The following UBE2L3 variants were observed in gnomAD, a reference collection of about 807,000 sequenced individuals.
UBE2L3 encodes ubiquitin-conjugating enzyme E2 L3.
UBE2L3 carries 1 observed loss-of-function variant against 17.8 expected under a neutral mutation model. That is an observed-to-expected ratio of 0.06 (90% confidence interval 0.02 to 0.27). UBE2L3 has a LOEUF of 0.27. UBE2L3 is among the 10% of genes least tolerant of loss of function. The pLI, the probability that UBE2L3 is intolerant of heterozygous loss-of-function variation, is 1.00. For synonymous variants in UBE2L3, 44 were observed against 68.5 expected (o/e 0.64, Z 1.76); for missense variants, 40 against 192.6 (o/e 0.21, Z 4.69).
At chr22:21,602,803 G>A (rs1365123367) in intron 2 of UBE2L3, among the ~76,000 whole-genome samples, 4 of 152,222 alleles carry the variant, frequency 2.6e-5, no homozygotes, top group Non-Finnish European at 5.9e-5. Context: ...CTCGAGAAAA[G>A]GGCCAGTTCC....
At chr22:21,596,840 A>G (rs1928552269) in intron 2 of UBE2L3, among the ~76,000 whole-genome samples, 2 of 152,240 alleles carry the variant, frequency 1.3e-5, no homozygotes, top group South Asian at 4.1e-4. Flanking sequence ...CATCCTTGCT[A>G]ACATTTGTTA....
At chr22:21,579,018 T>C (rs1170632108) in intron 1 of UBE2L3, among the ~76,000 whole-genome samples, 2 of 151,652 alleles carry the variant, frequency 1.3e-5, no homozygotes, top group East Asian at 3.9e-4. Context: ...GAGATGGAGT[T>C]TCACTCTTGT....
chr22:21,568,773 G>T (rs1020566551), intron 1 of UBE2L3, among the ~76,000 whole-genome samples: 2 of 152,168 alleles, frequency 1.3e-5, no homozygotes, highest in Non-Finnish European at 2.9e-5. Context: ...TTCCTGAGGG[G>T]AGATAAAGAG....
intron 3 of UBE2L3, chr22:21,614,476 C>A: frequency 1.1e-6 from 1 of 872,878 alleles, no homozygotes. Flanking sequence ...TTGTGCCACC[C>A]TCCTGCTGTA....
chr22:21,561,347 G>A (rs1158002503), intron 1 of UBE2L3, among the ~76,000 whole-genome samples: 1 of 152,304 alleles, frequency 6.6e-6, no homozygotes, highest in Non-Finnish European at 1.5e-5. Context: ...AGGCTGAGGT[G>A]GGAGAATCTC....
chr22:21,601,012 A>C (rs1928826028), intron 2 of UBE2L3, among the ~76,000 whole-genome samples: 1 of 151,978 alleles, frequency 6.6e-6, no homozygotes, highest in South Asian at 2.1e-4. Context: ...TCTACTAAAA[A>C]TACAAAAAAT....
intron 1 of UBE2L3, 124 bp from the exon 2 acceptor site, chr22:21,592,737 C>T: frequency 6.6e-6 from 5 of 757,078 alleles, no homozygotes; most frequent in Non-Finnish European, 9.1e-6. Flanking sequence ...ACAGTTTAGT[C>T]CTCACTGTCC....
intron 1 of UBE2L3, among the ~76,000 whole-genome samples, chr22:21,562,521 G>T (rs1046257224): frequency 1.3e-5 from 2 of 151,660 alleles, no homozygotes; most frequent in Admixed American, 1.3e-4. Flanking sequence ...ACAAGCACCC[G>T]CCACCACGCC....
intron 1 of UBE2L3, among the ~76,000 whole-genome samples, chr22:21,590,187 C>CTTTACTTT (rs1928181136): frequency 6.6e-6 from 1 of 151,362 alleles, no homozygotes; most frequent in African/African-American, 2.4e-5. Flanking sequence ...ATCATCCCTA[C>CTTTACTTT]TTTATTTTTT....
At chr22:21,567,921 G>A (rs1926725329) in intron 1 of UBE2L3, 150 bp downstream of exon 1, 1 of 1,487,404 alleles carries the variant, frequency 6.7e-7, no homozygotes, top group Admixed American at 2.4e-5. Context: ...CAGGCTCAAG[G>A]TGCTAACGGG....
intron 1 of UBE2L3, among the ~76,000 whole-genome samples, chr22:21,590,999 G>A (rs1183006092): frequency 2.0e-5 from 3 of 152,182 alleles, no homozygotes; most frequent in Non-Finnish European, 2.9e-5. Context: ...AGGTGGCAGT[G>A]TGGGTGTGAG....
At chr22:21,617,916 T>C (rs1929856821) in intron 3 of UBE2L3, among the ~76,000 whole-genome samples, 1 of 151,682 alleles carries the variant, frequency 6.6e-6, no homozygotes, top group Admixed American at 6.6e-5. Context: ...GCATGGTGGC[T>C]CATGCCTGTA....
In UBE2L3 at chr22:21,590,798, G is replaced by A. The variant is rs553174734; in HGVS notation, c.28-2063G>A. ...GGTCAAAAAAGCCAAACACAGCATT[G>A]GAACTGTATTTATAGAAAATCCTTC... On this transcript the variant is annotated intron_variant, in intron 1 of 3. Transcript: ENST00000342192. 3.9e-5 allele frequency among the ~76,000 whole-genome samples: 6 copies of A among 152,254 alleles called. No individual in the cohort carries two copies. In the South Asian group the frequency reaches 8.3e-4, roughly 21 times the overall value.
At chr22:21,580,731 G>A (rs1203009298) in intron 1 of UBE2L3, among the ~76,000 whole-genome samples, 3 of 152,044 alleles carry the variant, frequency 2.0e-5, no homozygotes, top group East Asian at 1.9e-4. Flanking sequence ...TTACAGGTGT[G>A]AGCCATTGTA....
At chr22:21,599,766 T>C (rs1376896278) in intron 2 of UBE2L3, among the ~76,000 whole-genome samples, 1 of 152,182 alleles carries the variant, frequency 6.6e-6, no homozygotes, top group African/African-American at 2.4e-5. Flanking sequence ...TCCTGGGGAA[T>C]GGGGTGTCTG....
intron 1 of UBE2L3, among the ~76,000 whole-genome samples, chr22:21,583,933 G>C (rs927075916): frequency 2.6e-5 from 4 of 152,066 alleles, no homozygotes; most frequent in African/African-American, 9.7e-5. Flanking sequence ...GGAGTTCAAT[G>C]GAGCGATCTT....
At chr22:21,577,227 C>A (rs1011747846) in intron 1 of UBE2L3, among the ~76,000 whole-genome samples, 1 of 150,914 alleles carries the variant, frequency 6.6e-6, no homozygotes, top group South Asian at 2.1e-4. Flanking sequence ...CTTGGCCTCC[C>A]GAAGTGCTGG....
chr22:21,620,368 G>A lies in UBE2L3; in HGVS notation c.311-1147G>A, dbSNP rs183020785. On this transcript the variant is annotated intron_variant, in intron 3 of 3. Transcript: ENST00000342192. ...TTACACCCAGGAGTTTGAGGGTACCGTGCAGTAAAGTATGATTGAGCCACT... is the reference window on the plus strand; with the variant it reads ...TTACACCCAGGAGTTTGAGGGTACCATGCAGTAAAGTATGATTGAGCCACT... 1.6e-3 allele frequency among the ~76,000 whole-genome samples: 245 copies of A among 152,200 alleles called. 2 individuals are homozygous for A. The highest frequency in any genetic ancestry group is 0.013 in the Admixed American group (204 of 15,270).
intron 1 of UBE2L3, among the ~76,000 whole-genome samples, chr22:21,569,724 A>G (rs1327088533): frequency 6.6e-6 from 1 of 152,172 alleles, no homozygotes; most frequent in African/African-American, 2.4e-5. Flanking sequence ...TAATCACAGT[A>G]GCTACTATTT....
Sources: gnomAD v4.1 joint callset for allele counts (sites outside exome capture counted in the v4.1 genomes callset) on GRCh38, gnomAD v4.1.1 for gene constraint, MANE v1.5 for transcripts, NCBI Gene and HGNC (gene_info 2026-07-23, HGNC 2026-07-21) for gene names.